The following CCDC88C variants were observed in gnomAD, a reference collection of about 807,000 sequenced individuals.
CCDC88C encodes protein Daple.
CCDC88C carries 131 observed loss-of-function variants against 198.8 expected under a neutral mutation model. That is an observed-to-expected ratio of 0.66 (90% CI 0.57 to 0.76). The LOEUF is 0.76. CCDC88C is among the 30% of genes least tolerant of loss of function. CCDC88C has a pLI of 0.00. For synonymous variants in CCDC88C, 1,166 were observed against 1,114.7 expected (o/e 1.05, Z -0.92); for missense variants, 2,553 against 2,631.6 (o/e 0.97, Z 0.65).
At chr14:91,300,502 G>GCTAAT (rs1332543402) in intron 20 of CCDC88C, among the ~76,000 whole-genome samples, 1 of 152,184 alleles carries the variant, frequency 6.6e-6, no homozygotes, top group Non-Finnish European at 1.5e-5. Flanking sequence ...GCACATCACA[G>GCTAAT]CTAATCTCAC....
At chr14:91,297,049 C>T (rs991617999) in intron 22 of CCDC88C, among the ~76,000 whole-genome samples, 1 of 152,198 alleles carries the variant, frequency 6.6e-6, no homozygotes, top group Non-Finnish European at 1.5e-5. Context: ...ACATCATCAA[C>T]CGTCCCCACT....
rs751691854 is a variant in CCDC88C at position 91,315,337 on chromosome 14, G to A, written c.1665+313C>T. Among the ~76,000 whole-genome samples the A allele has an allele frequency of 9.2e-5, 14 of 152,140 alleles. No individual in the cohort carries two copies. In the South Asian group the frequency reaches 1.9e-3, roughly 20 times the overall value. ...TGCAGATGGAGTGTTCCTGACCTGCGCACTGCAGAATATGTAGCAGCATCC... is the reference window on the plus strand; with the variant it reads ...TGCAGATGGAGTGTTCCTGACCTGCACACTGCAGAATATGTAGCAGCATCC... On this transcript the variant is annotated intron_variant, in intron 14 of 29. Transcript: ENST00000389857.
At chr14:91,400,425 A>G (rs918954346) in intron 3 of CCDC88C, among the ~76,000 whole-genome samples, 3 of 152,306 alleles carry the variant, frequency 2.0e-5, no homozygotes, top group South Asian at 2.1e-4. Flanking sequence ...AAACCTTCAC[A>G]TGGAAGCTGA....
At chr14:91,312,302 C>T (rs1567068161) in intron 15 of CCDC88C, among the ~76,000 whole-genome samples, 3 of 152,088 alleles carry the variant, frequency 2.0e-5, no homozygotes, top group South Asian at 2.1e-4. Context: ...GCAGGAGAAT[C>T]GCTTGAACCC....
chr14:91,346,642 T>C (rs1244204811), intron 4 of CCDC88C, among the ~76,000 whole-genome samples: 2 of 152,174 alleles, frequency 1.3e-5, no homozygotes, highest in African/African-American at 4.8e-5. Context: ...CAGTGGCTCA[T>C]GCCTGTAATC....
rs1596129581 is a variant in CCDC88C at position 91,375,736 on chromosome 14, C to T, written c.271-16025G>A. Among the ~76,000 whole-genome samples, 3 of 152,198 alleles carry T rather than the reference C, an allele frequency of 2.0e-5. No individual in the cohort carries two copies. The East Asian group carries it at 5.8e-4, about 29-fold the overall frequency. ...AGCAAGTGGACTCTTCCAGCCCAAG[C>T]CACGAGATGAGGGGAGACTCAACCC... On this transcript the variant is annotated intron_variant, in intron 3 of 29. Coordinates refer to ENST00000389857, the MANE Select transcript of CCDC88C (RefSeq NM_001080414.4).
chr14:91,331,485 C>T (rs1055095547), intron 10 of CCDC88C, among the ~76,000 whole-genome samples: 1 of 152,212 alleles, frequency 6.6e-6, no homozygotes, highest in African/African-American at 2.4e-5. Context: ...CCACCCCGTT[C>T]CTGGTCACCA....
At chr14:91,279,600 A>G (rs1890115197) in intron 27 of CCDC88C, 1 of 270,476 alleles carries the variant, frequency 3.7e-6, no homozygotes, top group Admixed American at 5.0e-5. Context: ...CTCACACAGA[A>G]CGCCAGTATA....
chr14:91,362,307 C>A (rs1894344970), intron 3 of CCDC88C, among the ~76,000 whole-genome samples: 1 of 152,052 alleles, frequency 6.6e-6, no homozygotes, highest in Non-Finnish European at 1.5e-5. Flanking sequence ...TCATCACCAG[C>A]AAACCAGCCA....
intron 2 of CCDC88C, among the ~76,000 whole-genome samples, chr14:91,411,690 C>T (rs962379094): frequency 2.0e-5 from 3 of 152,106 alleles, no homozygotes; most frequent in Non-Finnish European, 4.4e-5. Context: ...TGGCCAAGCA[C>T]GATGGCTCAT....
intron 3 of CCDC88C, among the ~76,000 whole-genome samples, chr14:91,406,790 T>C (rs775364516): frequency 2.9e-4 from 44 of 152,246 alleles, no homozygotes; most frequent in Non-Finnish European, 5.6e-4. Context: ...CCCCTGTGCA[T>C]GGCTGTCGCG....
At chr14:91,298,121 G>A (rs1440101786) in intron 21 of CCDC88C, among the ~76,000 whole-genome samples, 2 of 152,168 alleles carry the variant, frequency 1.3e-5, no homozygotes, top group African/African-American at 4.8e-5. Flanking sequence ...TATTTGGCCT[G>A]TACAATTTTA....
intron 29 of CCDC88C, among the ~76,000 whole-genome samples, chr14:91,275,670 G>A (rs1889928680): frequency 6.8e-6 from 1 of 147,254 alleles, no homozygotes; most frequent in Non-Finnish European, 1.5e-5. Context: ...GTAGAGATGG[G>A]GTTTCATTGT....
chr14:91,338,371 A>C lies in CCDC88C; in HGVS notation c.891+118T>G. 9.8e-7 allele frequency: 1 copy of C among 1,015,398 alleles called. No homozygotes were observed. The highest frequency in any genetic ancestry group is 1.5e-6 in the Non-Finnish European group (1 of 670,066). 62.9% of individuals were successfully genotyped at this position (1,015,398 alleles called of 1,614,324 possible). Reference sequence around the variant, plus strand: ...TCATCCCCATAGCCGTGCTCAGGACAAGTGGCTCTTGTGTGGCTTAAAAGC... The same window carrying C: ...TCATCCCCATAGCCGTGCTCAGGACCAGTGGCTCTTGTGTGGCTTAAAAGC... On this transcript the variant is annotated intron_variant, in intron 9 of 29. Transcript: ENST00000389857. This position sits in a 1 kb window ranked among gnomAD's most constrained non-coding sequence, Gnocchi z 4.8.
intron 4 of CCDC88C, among the ~76,000 whole-genome samples, chr14:91,349,382 A>C (rs1893685259): frequency 6.6e-6 from 1 of 152,240 alleles, no homozygotes; most frequent in African/African-American, 2.4e-5. Context: ...GGAACAGCAC[A>C]TGCGAAGGCC....
intron 3 of CCDC88C, among the ~76,000 whole-genome samples, chr14:91,406,047 G>A (rs1278391749): frequency 6.6e-6 from 1 of 152,180 alleles, no homozygotes; most frequent in East Asian, 1.9e-4. Context: ...CCATCTGGAA[G>A]TCCTTCTGGA....
In CCDC88C at chr14:91,339,947, G is replaced by A. The variant is rs1370459544; in HGVS notation, c.561C>T (p.Ala187=). The A allele has an allele frequency of 1.3e-6, 2 of 1,599,910 alleles. No homozygotes were observed. The highest frequency in any genetic ancestry group is 1.7e-6 in the Non-Finnish European group (2 of 1,174,412). ...GGTGGAGCACCATGCTCCTCGACAGGGCCTCCAGCTCCTCCGGAGCCACGT... is the reference window on the plus strand; with the variant it reads ...GGTGGAGCACCATGCTCCTCGACAGAGCCTCCAGCTCCTCCGGAGCCACGT... ...LPDVAPEELE[A]LSRSMVLHLR... Residue 187 remains alanine, a synonymous_variant, in exon 7 of 30, where the codon GCC becomes GCT. Coordinates refer to ENST00000389857, the MANE Select transcript of CCDC88C (RefSeq NM_001080414.4). This position sits in a 1 kb window ranked among gnomAD's most constrained non-coding sequence, Gnocchi z 5.8.
At chr14:91,307,358 G>T in intron 17 of CCDC88C, 132 bp from the exon 18 acceptor site, 1 of 698,108 alleles carries the variant, frequency 1.4e-6, no homozygotes. Flanking sequence ...GTCTGTGTAA[G>T]CCAGACGCGC....
chr14:91,343,000 G>A (rs999307708), intron 5 of CCDC88C, among the ~76,000 whole-genome samples: 1 of 152,288 alleles, frequency 6.6e-6, no homozygotes, highest in East Asian at 1.9e-4. Context: ...TGTCACCCAG[G>A]CTGGAGTGCA....
Sources: gnomAD v4.1 joint callset for allele counts (sites outside exome capture counted in the v4.1 genomes callset) on GRCh38, gnomAD v4.1.1 for gene constraint, Gnocchi (gnomAD v3.1) non-coding constraint, MANE v1.5 for transcripts, NCBI Gene and HGNC (gene_info 2026-07-23, HGNC 2026-07-21) for gene names.